STRBP: variants seen among roughly 807,000 people sequenced by gnomAD.
STRBP encodes the protein spermatid perinuclear RNA-binding protein.
STRBP carries 13 observed loss-of-function variants against 80.1 expected under a neutral mutation model. The ratio of observed to expected loss-of-function variants is 0.16; its 90% CI spans 0.11 to 0.26. The LOEUF is 0.26. Ranked by LOEUF, STRBP falls within the 10% of genes least tolerant of loss-of-function variation. STRBP has a pLI of 1.00. For synonymous variants in STRBP, 284 were observed against 291.2 expected, an observed-to-expected ratio of 0.98 and a Z score of 0.25; for missense variants, 485 against 815.2, an observed-to-expected ratio of 0.59 and a Z score of 4.93.
intron 2 of STRBP, among the ~76,000 whole-genome samples, chr9:123,198,185 G>C (rs1312889519): frequency 6.6e-6 from 1 of 151,714 alleles, no homozygotes; most frequent in Non-Finnish European, 1.5e-5. Flanking sequence ...CCATCACCCA[G>C]GCTGAAGTGC....
chr9:123,118,392 G>C (rs1459318888), downstream of STRBP, among the ~76,000 whole-genome samples: 1 of 152,224 alleles, frequency 6.6e-6, no homozygotes, highest in Non-Finnish European at 1.5e-5. Flanking sequence ...GTCCAGTGCT[G>C]AAACTGCCTG....
In STRBP at chr9:123,122,082, A is replaced by C. The variant is rs1307483377; in HGVS notation, c.*3515T>G. On this transcript the variant is annotated 3_prime_UTR_variant, in exon 19 of 19. Coordinates refer to ENST00000348403, the MANE Select transcript of STRBP (RefSeq NM_018387.5). ...TTTAGACCATACAATTTTTAAAGGT[A>C]ATGCGATGACATATGACCTAAGAGA... The C allele has an allele frequency of 2.4e-5, 5 of 211,402 alleles. No homozygotes were observed. Among genetic ancestry groups the C allele is most frequent in the Middle Eastern group, 6.5e-4 (1 of 1,542 alleles). The allele number at this position is 211,402 out of a possible 1,614,324, so 13.1% of individuals were successfully genotyped here. A position where few individuals can be genotyped will look rare whatever the true frequency, so the allele number is the denominator to read the frequency against.
chr9:123,132,112 A>C (rs767613148), intron 17 of STRBP, among the ~76,000 whole-genome samples: 1 of 152,188 alleles, frequency 6.6e-6, no homozygotes, highest in Non-Finnish European at 1.5e-5. Flanking sequence ...CATTCTCCCA[A>C]ATCTTCTTTA....
chr9:123,223,809 A>C (rs2132560804), intron 2 of STRBP, among the ~76,000 whole-genome samples: 1 of 152,150 alleles, frequency 6.6e-6, no homozygotes, highest in South Asian at 2.1e-4. Context: ...TATGTGCTTT[A>C]TAATTAACAG....
Position 123,115,204 on chromosome 9 carries a change from C to T in STRBP, c.*84+725G>A, listed in dbSNP as rs1221042625. On this transcript the variant is annotated intron_variant and NMD_transcript_variant, in intron 3 of 3. Transcript: ENST00000471564. This position sits in a 1 kb window ranked among gnomAD's most constrained non-coding sequence, Gnocchi z 5.0. ...CACACTCCCCAAGTGGGCACACTCT[C>T]TCTGTGCATGCATGCCAGGCCCGCC... 1 of 471,196 alleles carries T rather than the reference C, an allele frequency of 2.1e-6. No homozygotes were observed. The highest frequency in any genetic ancestry group is 4.4e-6 in the Non-Finnish European group (1 of 227,022). 29.2% of individuals were successfully genotyped at this position (471,196 alleles called of 1,614,324 possible).
At position 123,135,938 on chromosome 9, in the gene STRBP, A is replaced by C. The variant is rs2036335459; in HGVS notation, c.1773+103T>G. On this transcript the variant is annotated intron_variant, in intron 16 of 18. Coordinates refer to ENST00000348403, the MANE Select transcript of STRBP (RefSeq NM_018387.5). ...AAAGGTCACCAAGTCCAAGAAAAGG[A>C]AACAACTTCAGAAAAAGCTAAAGTG... 9.5e-6 allele frequency: 14 copies of C among 1,477,794 alleles called. No homozygotes were observed. In the South Asian group the frequency reaches 1.8e-4, roughly 20 times the overall value. 91.5% of individuals were successfully genotyped at this position (1,477,794 alleles called of 1,614,324 possible).
intron 17 of STRBP, among the ~76,000 whole-genome samples, chr9:123,130,618 T>C (rs2036095918): frequency 6.6e-6 from 1 of 152,192 alleles, no homozygotes; most frequent in African/African-American, 2.4e-5. Context: ...CCTATTATTG[T>C]GAATGAAAGC....
Position 123,164,262 on chromosome 9 carries a change from G to C in STRBP, c.536-3194C>G, listed in dbSNP as rs537239142. 2.0e-5 allele frequency among the ~76,000 whole-genome samples: 3 copies of C among 152,222 alleles called. No individual in the cohort carries two copies. In the East Asian group the frequency reaches 5.8e-4, roughly 29 times the overall value. ...GGGTTTCACCATGTTGGCCAGACTG[G>C]ACTTGAACTCCTGACCTCAGGTGAT... is the stretch of plus-strand genomic sequence containing the variant. On this transcript the variant is annotated intron_variant, in intron 6 of 18. Coordinates refer to ENST00000348403, the MANE Select transcript of STRBP (RefSeq NM_018387.5).
downstream of STRBP, among the ~76,000 whole-genome samples, chr9:123,120,824 G>C (rs2035721778): frequency 6.6e-6 from 1 of 152,176 alleles, no homozygotes; most frequent in Non-Finnish European, 1.5e-5. Flanking sequence ...AAAACTGCCA[G>C]GGAAATATTT....
chr9:123,245,026 T>C (rs951235135), intron 1 of STRBP, among the ~76,000 whole-genome samples: 11 of 152,182 alleles, frequency 7.2e-5, no homozygotes, highest in African/African-American at 2.2e-4. Context: ...TCAAAGGAAT[T>C]AGCCTGAGTG....
At chr9:123,214,932 T>C (rs1286461806) in intron 2 of STRBP, among the ~76,000 whole-genome samples, 3 of 152,230 alleles carry the variant, frequency 2.0e-5, no homozygotes, top group Admixed American at 2.0e-4. Flanking sequence ...TTATAGTTTC[T>C]GGTGTCCACA....
Position 123,124,915 on chromosome 9 carries a change from A to G in STRBP, c.*682T>C, listed in dbSNP as rs2035839031. On this transcript the variant is annotated 3_prime_UTR_variant, in exon 19 of 19. Transcript: ENST00000348403. ...GTGAGTAGACTGGCTCAAACTAACA[A>G]TCACCTTTGCTTTGTTTTAGCACTT... The G allele has an allele frequency of 2.0e-6, 2 of 985,502 alleles. No homozygotes were observed. Among genetic ancestry groups the G allele is most frequent in the African/African-American group, 3.5e-5 (2 of 57,244 alleles). The allele number at this position is 985,502 out of a possible 1,614,324, so 61.0% of individuals were successfully genotyped here.
At position 123,158,137 on chromosome 9, in the gene STRBP, T is replaced by A. The variant is rs760537606; in HGVS notation, c.934-14A>T. On this transcript the variant is annotated splice_polypyrimidine_tract_variant and intron_variant, in intron 10 of 18. Transcript: ENST00000348403. The stretch of plus-strand genomic sequence containing the variant: ...TCTGAGTGCATGCTAAAGAACAAAG[T>A]ATTATATTTAATCACATTTCAATAG... 1.9e-6 allele frequency: 3 copies of A among 1,595,376 alleles called. No homozygotes were observed. The East Asian group carries it at 6.7e-5, about 36-fold the overall frequency.
intron 8 of STRBP, among the ~76,000 whole-genome samples, chr9:123,159,431 C>T (rs2037429308): frequency 6.6e-6 from 1 of 152,066 alleles, no homozygotes; most frequent in South Asian, 2.1e-4. Context: ...ATTTTTGTAA[C>T]AAAAACTTTA....
At chr9:123,245,553 T>G (rs2040783613) in intron 1 of STRBP, among the ~76,000 whole-genome samples, 1 of 152,180 alleles carries the variant, frequency 6.6e-6, no homozygotes, top group Non-Finnish European at 1.5e-5. Context: ...GCTAATGTTT[T>G]TGTATTTTTA....
intron 16 of STRBP, among the ~76,000 whole-genome samples, chr9:123,133,423 A>G (rs1458586460): frequency 6.6e-6 from 1 of 152,236 alleles, no homozygotes. Flanking sequence ...GGAGGACCAA[A>G]GATGAGGATG....
At chr9:123,173,186 G>C (rs1288767353) in intron 5 of STRBP, among the ~76,000 whole-genome samples, 1 of 152,104 alleles carries the variant, frequency 6.6e-6, no homozygotes, top group African/African-American at 2.4e-5. Context: ...GTGTAAAAAA[G>C]GTTTGGAGAC....
chr9:123,198,682 TAGA>T (rs1337125974), intron 2 of STRBP, among the ~76,000 whole-genome samples: 2 of 152,228 alleles, frequency 1.3e-5, no homozygotes, highest in East Asian at 1.9e-4. Context: ...GGCCAATGTC[TAGA>T]AGAATTTTTC....
In STRBP at chr9:123,183,009, T is replaced by C. The variant is rs577196729; in HGVS notation, c.3+1123A>G. On this transcript the variant is annotated intron_variant, in intron 3 of 18. Coordinates refer to ENST00000348403, the MANE Select transcript of STRBP (RefSeq NM_018387.5). ...CAGCCTGGAGGACAGAGCAAGATCC[T>C]GTCTCAAAAAAAAAAAAAAAAAAAA... Among the ~76,000 whole-genome samples, 3 of 98,274 alleles carry C rather than the reference T, an allele frequency of 3.1e-5. No homozygotes were observed. In the East Asian group the frequency reaches 9.0e-4, roughly 29 times the overall value. The allele number at this position is 98,274 out of a possible 152,430, so 64.5% of individuals were successfully genotyped here. A position where few individuals can be genotyped will look rare whatever the true frequency, so the allele number is the denominator to read the frequency against.
Sources: gnomAD v4.1 joint callset for allele counts (sites outside exome capture counted in the v4.1 genomes callset) on GRCh38, gnomAD v4.1.1 for gene constraint, Gnocchi (gnomAD v3.1) non-coding constraint, MANE v1.5 for transcripts, NCBI Gene and HGNC (gene_info 2026-07-23, HGNC 2026-07-21) for gene names.